The following NRXN1 variants were observed in gnomAD, a reference collection of about 807,000 sequenced individuals.
NRXN1 encodes neurexin 1, also known as neurexin-1.
Under a neutral mutation model 150.9 loss-of-function variants are expected in NRXN1, and 39 were observed. The ratio of observed to expected loss-of-function variants is 0.26; its 90% confidence interval spans 0.20 to 0.34. NRXN1 has a LOEUF of 0.34. Ranked by LOEUF, NRXN1 falls within the 10% of genes least tolerant of loss-of-function variation. The probability of loss-of-function intolerance (pLI) is 1.00; values close to 1 mark genes in which losing one functional copy is unlikely to be tolerated. For missense variants in NRXN1, 1,815 were observed against 1,949.9 expected (o/e 0.93, Z 1.30); for synonymous variants, 924 against 757.0 (o/e 1.22, Z -3.62).
chr2:50,219,978 ATATATAT>A (rs1304038215), intron 18 of NRXN1, among the ~76,000 whole-genome samples: 23 of 46,722 alleles, frequency 4.9e-4, no homozygotes, highest in African/African-American at 8.8e-4. Context: ...TATATATAAT[ATATATAT>A]TATATATAAT....
chr2:50,750,856 C>A (rs1270259337), intron 5 of NRXN1, among the ~76,000 whole-genome samples: 1 of 152,052 alleles, frequency 6.6e-6, no homozygotes, highest in East Asian at 1.9e-4. Flanking sequence ...AATAACTATG[C>A]TTATTATAAG....
intron 5 of NRXN1, among the ~76,000 whole-genome samples, chr2:50,830,313 G>C (rs2105883802): frequency 1.3e-5 from 2 of 152,146 alleles, no homozygotes; most frequent in African/African-American, 4.8e-5. Flanking sequence ...GGAGTATTTT[G>C]TGAAAATGAG....
chr2:50,527,522 T>G (rs1375479744), intron 12 of NRXN1, among the ~76,000 whole-genome samples: 2 of 152,190 alleles, frequency 1.3e-5, no homozygotes, highest in East Asian at 3.8e-4. Flanking sequence ...ATTCTGTTAC[T>G]TTTTTATTGG....
chr2:50,295,741 T>G (rs561710339), intron 17 of NRXN1, among the ~76,000 whole-genome samples: 2 of 152,320 alleles, frequency 1.3e-5, no homozygotes, highest in South Asian at 4.1e-4. Flanking sequence ...TCAATGAGGA[T>G]GAAGAATTGC....
chr2:50,940,628 C>G (rs1331560049), intron 2 of NRXN1, among the ~76,000 whole-genome samples: 1 of 152,006 alleles, frequency 6.6e-6, no homozygotes, highest in Non-Finnish European at 1.5e-5. Context: ...AGATAACAAA[C>G]AAGATGAAAG....
chr2:50,002,959 T>C (rs1178390144), intron 21 of NRXN1, among the ~76,000 whole-genome samples: 1 of 152,156 alleles, frequency 6.6e-6, no homozygotes, highest in Non-Finnish European at 1.5e-5. Context: ...CAGAGGAATC[T>C]AGGCAACTCT....
intron 5 of NRXN1, chr2:50,829,313 A>T: frequency 3.1e-6 from 2 of 639,636 alleles, no homozygotes; most frequent in Non-Finnish European, 5.5e-6. Context: ...TATTTTTAGT[A>T]GAGATGGGGT....
chr2:50,751,179 C>A (rs1414263861), intron 5 of NRXN1, among the ~76,000 whole-genome samples: 1 of 151,948 alleles, frequency 6.6e-6, no homozygotes, highest in Non-Finnish European at 1.5e-5. Flanking sequence ...GGATTTAACA[C>A]TTTCTGTGCT....
At position 50,323,171 on chromosome 2, in the gene NRXN1, A is replaced by C. The variant is rs553306551; in HGVS notation, c.3365-86201T>G. Among the ~76,000 whole-genome samples the C allele has an allele frequency of 2.0e-4, 30 of 152,312 alleles. No individual in the cohort carries two copies. In the South Asian group the frequency reaches 3.5e-3, roughly 18 times the overall value. On this transcript the variant is annotated intron_variant, in intron 17 of 22. Transcript: ENST00000401669. ...GTTGTTCAGAGTCTGTCATTCCTTG[A>C]GTAATACATTATAATAGTAGCTCTA...
intron 8 of NRXN1, among the ~76,000 whole-genome samples, chr2:50,577,290 T>C (rs779096910): frequency 1.8e-4 from 28 of 152,218 alleles, no homozygotes; most frequent in East Asian, 1.9e-4. Context: ...AAAGAAAATG[T>C]TGTTAATCTG....
chr2:50,879,767 T>C (rs1347913002), intron 5 of NRXN1, among the ~76,000 whole-genome samples: 1 of 151,952 alleles, frequency 6.6e-6, no homozygotes, highest in South Asian at 2.1e-4. Flanking sequence ...TGCCTGAATA[T>C]GCCTATAGGT....
intron 5 of NRXN1, among the ~76,000 whole-genome samples, chr2:50,644,493 C>A (rs955237094): frequency 3.3e-5 from 5 of 151,546 alleles, no homozygotes; most frequent in Admixed American, 6.6e-5. Flanking sequence ...AAATAAGCAA[C>A]CCCTGGAGGA....
At chr2:50,627,699 A>G (rs1489709149) in intron 5 of NRXN1, among the ~76,000 whole-genome samples, 1 of 151,658 alleles carries the variant, frequency 6.6e-6, no homozygotes, top group Non-Finnish European at 1.5e-5. Context: ...GAATAAGTAG[A>G]TCTCTGAGTC....
At chr2:50,157,155 G>C (rs1368709921) in intron 18 of NRXN1, among the ~76,000 whole-genome samples, 1 of 151,960 alleles carries the variant, frequency 6.6e-6, no homozygotes, top group East Asian at 1.9e-4. Flanking sequence ...AATATGAATG[G>C]ATATTGTGGT....
intron 8 of NRXN1, among the ~76,000 whole-genome samples, chr2:50,558,456 A>G (rs543989940): frequency 1.2e-4 from 18 of 152,310 alleles, no homozygotes; most frequent in African/African-American, 4.3e-4. Flanking sequence ...TGTGCGTTCT[A>G]AATACCAGTA....
chr2:50,914,922 G>T (rs1423884286), intron 5 of NRXN1, among the ~76,000 whole-genome samples: 1 of 151,530 alleles, frequency 6.6e-6, no homozygotes, highest in Non-Finnish European at 1.5e-5. Context: ...ACACATCAGG[G>T]CAGGGTAGAG....
intron 17 of NRXN1, among the ~76,000 whole-genome samples, chr2:50,357,601 C>T (rs1366308674): frequency 6.6e-6 from 1 of 152,056 alleles, no homozygotes; most frequent in African/African-American, 2.4e-5. Context: ...AGCTACCGCG[C>T]CCAGGCATAT....
At chr2:50,337,458 C>T (rs2077270756) in intron 17 of NRXN1, among the ~76,000 whole-genome samples, 2 of 152,136 alleles carry the variant, frequency 1.3e-5, no homozygotes, top group Non-Finnish European at 2.9e-5. Flanking sequence ...AGTGACTTAA[C>T]TATTTCTTAA....
At chr2:50,655,519 C>T (rs9752732) in intron 5 of NRXN1, among the ~76,000 whole-genome samples, 125,177 of 152,002 alleles carry the variant, frequency 0.82, 51,843 homozygotes, top group East Asian at 0.89. Context: ...AAATGATTCA[C>T]AAAGTGAACC....
Sources: gnomAD v4.1 joint callset for allele counts (sites outside exome capture counted in the v4.1 genomes callset) on GRCh38, gnomAD v4.1.1 for gene constraint, MANE v1.5 for transcripts, NCBI Gene and HGNC (gene_info 2026-07-23, HGNC 2026-07-21) for gene names.